Variants in FER1L6 observed in about 807,000 individuals in gnomAD.
The protein encoded by FER1L6 is fer-1 like family member 6.
In FER1L6, 177 loss-of-function variants were observed where a neutral mutation model predicts 219.2. The observed-to-expected ratio is 0.81, with a 90% CI of 0.71 to 0.91. The LOEUF (loss-of-function observed/expected upper bound fraction) is 0.91. Among genes scored for constraint, FER1L6 ranks in the 40% least tolerant of loss-of-function variants. The pLI, the probability that FER1L6 is intolerant of heterozygous loss-of-function variation, is 0.00. For missense variants in FER1L6, 2,153 were observed against 2,259.9 expected (o/e 0.95, Z 0.96); for synonymous variants, 768 against 824.3 (o/e 0.93, Z 1.17).
At chr8:123,929,882 G>C (rs895353862) in intron 1 of FER1L6, among the ~76,000 whole-genome samples, 1 of 152,008 alleles carries the variant, frequency 6.6e-6, no homozygotes, top group Non-Finnish European at 1.5e-5. Context: ...CCACAGTCTA[G>C]TGGGTAAGAT....
intron 1 of FER1L6, among the ~76,000 whole-genome samples, chr8:123,928,878 T>A (rs1255596741): frequency 6.6e-6 from 1 of 152,194 alleles, no homozygotes; most frequent in African/African-American, 2.4e-5. Flanking sequence ...TAAACTGATA[T>A]GCTGTTGAGA....
chr8:124,117,941 G>C (rs1047575662), intron 39 of FER1L6, among the ~76,000 whole-genome samples: 5 of 152,114 alleles, frequency 3.3e-5, no homozygotes, highest in African/African-American at 1.2e-4. Flanking sequence ...ATCAGCAATC[G>C]TGTGTAATAA....
At position 123,979,775 on chromosome 8, in the gene FER1L6, A is replaced by G. The variant is rs186854519; in HGVS notation, c.1064-690A>G. On this transcript the variant is annotated intron_variant, in intron 10 of 40. Coordinates refer to ENST00000522917, the MANE Select transcript of FER1L6 (RefSeq NM_001039112.2). ...GAACCAGTTAGCCTTCTAACCCTTCATGTAACAGCCATAGTGATCTTAAGA... is the reference window on the plus strand; with the variant it reads ...GAACCAGTTAGCCTTCTAACCCTTCGTGTAACAGCCATAGTGATCTTAAGA... 4.9e-3 allele frequency among the ~76,000 whole-genome samples: 743 copies of G among 152,306 alleles called. 1 individual carries two copies. The highest frequency in any genetic ancestry group is 0.01 in the Middle Eastern group (3 of 294).
At chr8:124,109,939 C>T (rs891263248) in intron 39 of FER1L6, among the ~76,000 whole-genome samples, 1 of 152,176 alleles carries the variant, frequency 6.6e-6, no homozygotes, top group African/African-American at 2.4e-5. Flanking sequence ...GTGGTCAGAC[C>T]ACACGTGACA....
intron 25 of FER1L6, among the ~76,000 whole-genome samples, chr8:124,063,109 C>T (rs529535772): frequency 2.8e-4 from 43 of 152,320 alleles, no homozygotes; most frequent in African/African-American, 1.0e-3. Context: ...AATCTTCCTT[C>T]TGTGATGCCA....
At position 123,939,125 on chromosome 8, in the gene FER1L6, G is replaced by C. The variant is rs78734662; in HGVS notation, c.-7-16867G>C. 1.5e-4 allele frequency: 150 copies of C among 981,896 alleles called. No homozygotes were observed. The African/African-American group carries it at 1.9e-3, about 13-fold the overall frequency. The allele number at this position is 981,896 out of a possible 1,614,324, so 60.8% of individuals were successfully genotyped here. On this transcript the variant is annotated intron_variant, in intron 1 of 40. Transcript: ENST00000522917. ...GAGAAGCATAGGTTTGTACTTGCTG[G>C]AAGATGGGGCTTGGCAGCATTTCTC... is the stretch of plus-strand genomic sequence containing the variant.
chr8:123,973,335 A>G, intron 6 of FER1L6, 99 bp from the exon 7 acceptor site: 1 of 933,976 alleles, frequency 1.1e-6, no homozygotes. Flanking sequence ...TTGATGGCCA[A>G]ACTCCACTGT....
intron 2 of FER1L6, among the ~76,000 whole-genome samples, chr8:123,958,770 G>A (rs1459900793): frequency 2.0e-5 from 3 of 151,812 alleles, no homozygotes; most frequent in Admixed American, 6.6e-5. Context: ...AGTCAGAGAA[G>A]AATTCTCTGG....
chr8:124,004,997 C>CA (rs1358187234), intron 13 of FER1L6, among the ~76,000 whole-genome samples: 7,154 of 119,936 alleles, frequency 0.06, 283 homozygotes, highest in East Asian at 0.13. Context: ...GACTCTGTCT[C>CA]AAAAAAAAAA....
At chr8:124,050,548 C>T (rs531913764) in intron 22 of FER1L6, among the ~76,000 whole-genome samples, 40 of 152,138 alleles carry the variant, frequency 2.6e-4, no homozygotes, top group African/African-American at 5.1e-4. Flanking sequence ...CACCAGGAGG[C>T]GCCTGGTGGT....
chr8:124,062,312 G>A (rs1239612009), intron 25 of FER1L6, among the ~76,000 whole-genome samples: 1 of 152,140 alleles, frequency 6.6e-6, no homozygotes, highest in African/African-American at 2.4e-5. Flanking sequence ...GCTTGATGTT[G>A]TTTTAGTTTG....
chr8:124,100,742 T>TAGAG (rs1164791760), intron 37 of FER1L6, among the ~76,000 whole-genome samples: 2 of 152,130 alleles, frequency 1.3e-5, no homozygotes, highest in Non-Finnish European at 2.9e-5. Context: ...CACTCAAGTA[T>TAGAG]AGAGGTGGCA....
chr8:123,961,272 A>G (rs1456640997), intron 2 of FER1L6, among the ~76,000 whole-genome samples: 1 of 152,092 alleles, frequency 6.6e-6, no homozygotes, highest in Non-Finnish European at 1.5e-5. Flanking sequence ...TCTCCAAAAA[A>G]TTAAAAAGAA....
chr8:123,894,338 T>A (rs549419237), intron 1 of FER1L6, among the ~76,000 whole-genome samples: 55 of 152,318 alleles, frequency 3.6e-4, no homozygotes, highest in African/African-American at 1.3e-3. Flanking sequence ...GGAAGATGGA[T>A]TTGTGACTGA....
chr8:123,903,821 A>G (rs1812901325), intron 1 of FER1L6, among the ~76,000 whole-genome samples: 1 of 152,204 alleles, frequency 6.6e-6, no homozygotes. Flanking sequence ...AAGGCAAATT[A>G]TAGCACAAAA....
chr8:123,956,682 G>C (rs905169176), intron 2 of FER1L6, among the ~76,000 whole-genome samples: 2 of 152,188 alleles, frequency 1.3e-5, no homozygotes, highest in Non-Finnish European at 2.9e-5. Context: ...GTGTCAAGAG[G>C]GTGACCGCAG....
At position 124,114,913 on chromosome 8, in the gene FER1L6, A is replaced by G. The variant is rs914785515; in HGVS notation, c.5290-3931A>G. 6.9e-4 allele frequency among the ~76,000 whole-genome samples: 95 copies of G among 137,142 alleles called. 1 individual carries two copies. The East Asian group carries it at 0.01, about 15-fold the overall frequency. 90.0% of individuals were successfully genotyped at this position (137,142 alleles called of 152,430 possible). A position where few individuals can be genotyped will look rare whatever the true frequency, so the allele number is the denominator to read the frequency against. On this transcript the variant is annotated intron_variant, in intron 39 of 40. Transcript: ENST00000522917. ...TGTGTGCGTATATATATATATATAT[A>G]TATATATATATATATATATATTCCT...
intron 1 of FER1L6, among the ~76,000 whole-genome samples, chr8:123,932,369 A>C (rs1211889227): frequency 6.6e-6 from 1 of 152,168 alleles, no homozygotes; most frequent in African/African-American, 2.4e-5. Flanking sequence ...TCAGCCTCCC[A>C]AAGTGCTGGG....
rs2385522 is a variant in FER1L6, at chr8:123,853,822, G to A, written c.-8+1637G>A. Among the ~76,000 whole-genome samples the A allele has an allele frequency of 0.61, 92,902 of 151,980 alleles. 28,684 individuals carry two copies. Among genetic ancestry groups the A allele is most frequent in the East Asian group, 0.75 (3,891 of 5,160 alleles). ...GAACGATGTAAGAAGGAACAACATC[G>A]CGGCCTTGATGAAGCCACAGTGATG... On this transcript the variant is annotated intron_variant, in intron 1 of 40. Coordinates refer to ENST00000522917, the MANE Select transcript of FER1L6 (RefSeq NM_001039112.2). The surrounding 1 kb of genome is among the most constrained non-coding windows in gnomAD (Gnocchi z 6.6).
Sources: allele counts gnomAD v4.1 joint callset (sites outside exome capture counted in the v4.1 genomes callset), GRCh38; gene constraint gnomAD v4.1.1; non-coding constraint Gnocchi (gnomAD v3.1); transcripts MANE v1.5; gene names NCBI Gene and HGNC (gene_info 2026-07-23, HGNC 2026-07-21).